SCAPER: variants seen among roughly 807,000 people sequenced by gnomAD.
SCAPER encodes S phase cyclin A-associated protein in the endoplasmic reticulum.
SCAPER carries 98 observed loss-of-function variants against 182.2 expected under a neutral mutation model. That is an observed-to-expected ratio of 0.54 (90% CI 0.46 to 0.64). SCAPER has a LOEUF of 0.64. SCAPER is among the 30% of genes least tolerant of loss of function. The pLI is 0.00. For synonymous variants in SCAPER, 605 were observed against 564.6 expected, an observed-to-expected ratio of 1.07 and a Z score of -1.01; for missense variants, 1,432 against 1,690.0, an observed-to-expected ratio of 0.85 and a Z score of 2.68.
chr15:76,811,339 CA>C (rs989614001), intron 5 of SCAPER, among the ~76,000 whole-genome samples: 5 of 150,788 alleles, frequency 3.3e-5, no homozygotes, highest in African/African-American at 1.2e-4. Context: ...ATAGCAAGAA[CA>C]AAAAAAAGGC....
intron 23 of SCAPER, among the ~76,000 whole-genome samples, chr15:76,568,136 T>A (rs2047173049): frequency 6.6e-6 from 1 of 150,944 alleles, no homozygotes; most frequent in Admixed American, 6.6e-5. Flanking sequence ...CGTTTTGTGG[T>A]GCTTCCTTTT....
chr15:76,759,300 A>G (rs2062635508), intron 14 of SCAPER, among the ~76,000 whole-genome samples: 1 of 152,120 alleles, frequency 6.6e-6, no homozygotes, highest in Non-Finnish European at 1.5e-5. Flanking sequence ...ATCGTATAAT[A>G]GTTCTGGAGA....
At chr15:76,420,795 G>A (rs920734208) in intron 26 of SCAPER, among the ~76,000 whole-genome samples, 5 of 152,046 alleles carry the variant, frequency 3.3e-5, no homozygotes, top group Middle Eastern at 3.4e-3. Flanking sequence ...GACAGGCCCC[G>A]GTGTGTGATG....
At chr15:76,746,284 C>T (rs971046111) in intron 15 of SCAPER, among the ~76,000 whole-genome samples, 1 of 152,208 alleles carries the variant, frequency 6.6e-6, no homozygotes, top group African/African-American at 2.4e-5. Context: ...TCCATAGATG[C>T]TGAAGTCCCT....
intron 25 of SCAPER, among the ~76,000 whole-genome samples, chr15:76,444,344 T>C (rs955841736): frequency 6.6e-6 from 1 of 152,212 alleles, no homozygotes; most frequent in Non-Finnish European, 1.5e-5. Flanking sequence ...AGGTGGCTGG[T>C]AGTACCACTT....
At chr15:76,402,424 T>C (rs2044529959) in intron 27 of SCAPER, among the ~76,000 whole-genome samples, 1 of 152,190 alleles carries the variant, frequency 6.6e-6, no homozygotes, top group South Asian at 2.1e-4. Flanking sequence ...CAATAACATC[T>C]GGTATACCAC....
chr15:76,683,425 G>C (rs897936734), intron 20 of SCAPER, among the ~76,000 whole-genome samples: 5 of 152,028 alleles, frequency 3.3e-5, no homozygotes, highest in Admixed American at 2.0e-4. Flanking sequence ...CCAAATCAAT[G>C]ATGCCATGGC....
chr15:76,503,324 T>C (rs1308753901), intron 24 of SCAPER, among the ~76,000 whole-genome samples: 3 of 152,188 alleles, frequency 2.0e-5, no homozygotes, highest in Non-Finnish European at 4.4e-5. Context: ...GCAACCCTTC[T>C]GGGTTATAAA....
At chr15:76,744,661 G>A (rs2061702635) in intron 15 of SCAPER, among the ~76,000 whole-genome samples, 1 of 152,158 alleles carries the variant, frequency 6.6e-6, no homozygotes, top group African/African-American at 2.4e-5. Flanking sequence ...CAGAGAAAAG[G>A]GAACGCTTAT....
At chr15:76,393,164 G>A (rs567623630) in intron 27 of SCAPER, among the ~76,000 whole-genome samples, 1 of 152,294 alleles carries the variant, frequency 6.6e-6, no homozygotes, top group South Asian at 2.1e-4. Context: ...CACCCCAGAA[G>A]TTCCTGCTTC....
chr15:76,632,768 C>CTTTT (rs1188058843), intron 21 of SCAPER, among the ~76,000 whole-genome samples: 41 of 104,520 alleles, frequency 3.9e-4, no homozygotes, highest in African/African-American at 7.4e-4. Flanking sequence ...AGGCTGCTGA[C>CTTTT]TTTTTTTTTT....
chr15:76,610,559 G>A (rs1158255706), intron 22 of SCAPER, among the ~76,000 whole-genome samples: 1 of 152,056 alleles, frequency 6.6e-6, no homozygotes, highest in Non-Finnish European at 1.5e-5. Flanking sequence ...AATCCTGATA[G>A]TATTAATATA....
intron 29 of SCAPER, among the ~76,000 whole-genome samples, chr15:76,357,364 A>G (rs2041060336): frequency 6.6e-6 from 1 of 152,188 alleles, no homozygotes; most frequent in Non-Finnish European, 1.5e-5. Flanking sequence ...AAAATGCTCA[A>G]CATCACTAAT....
At position 76,811,187 on chromosome 15, in the gene SCAPER, G is replaced by C. The variant is rs1038912016; in HGVS notation, c.394-6554C>G. On this transcript the variant is annotated intron_variant, in intron 5 of 31. Transcript: ENST00000563290. ...AAACTTAACAAACATAGAATTAGCA[G>C]GAAAATACACATTTTTCTCAAGTGC... Among the ~76,000 whole-genome samples, 68 of 148,776 alleles carry C rather than the reference G, an allele frequency of 4.6e-4. 2 individuals are homozygous for C. The highest frequency in any genetic ancestry group is 3.2e-3 in the Admixed American group (48 of 14,948).
intron 22 of SCAPER, among the ~76,000 whole-genome samples, chr15:76,618,893 G>T (rs2051746962): frequency 6.6e-6 from 1 of 152,216 alleles, no homozygotes; most frequent in Non-Finnish European, 1.5e-5. Context: ...TGCCTGGGCT[G>T]CAGTATAGTG....
chr15:76,357,181 CACACACA>C (rs1425617624), intron 29 of SCAPER, among the ~76,000 whole-genome samples: 63 of 151,828 alleles, frequency 4.1e-4, no homozygotes, highest in Non-Finnish European at 5.5e-4. Flanking sequence ...CACACACACA[CACACACA>C]CCCCTATGGC....
chr15:76,458,128 A>G (rs916243651), intron 25 of SCAPER, among the ~76,000 whole-genome samples: 18 of 152,094 alleles, frequency 1.2e-4, no homozygotes, highest in Admixed American at 1.0e-3. Flanking sequence ...AAGACATTAT[A>G]TGAATTATTT....
chr15:76,498,713 T>C (rs1159191960), intron 24 of SCAPER: 1 of 152,178 alleles, frequency 6.6e-6, no homozygotes, highest in Non-Finnish European at 1.5e-5. Context: ...CAATAAATGT[T>C]AGTTTGTATC....
At chr15:76,817,605 G>C (rs1392965652) in intron 5 of SCAPER, among the ~76,000 whole-genome samples, 1 of 152,106 alleles carries the variant, frequency 6.6e-6, no homozygotes, top group Non-Finnish European at 1.5e-5. Context: ...ACTATGTGAG[G>C]TGATAGGTTC....
Sources: allele counts gnomAD v4.1 joint callset (sites outside exome capture counted in the v4.1 genomes callset), GRCh38; gene constraint gnomAD v4.1.1; transcripts MANE v1.5; gene names NCBI Gene and HGNC (gene_info 2026-07-23, HGNC 2026-07-21).